Variants in HIC1 observed in about 807,000 individuals in gnomAD.
The protein encoded by HIC1 is hypermethylated in cancer 1 protein.
In HIC1, 9 loss-of-function variants were observed where a neutral mutation model predicts 26.4. That is an observed-to-expected ratio of 0.34 (90% CI 0.21 to 0.59). The LOEUF (loss-of-function observed/expected upper bound fraction) is 0.59, where lower values mean the gene tolerates loss of function less well. Ranked by LOEUF, HIC1 falls within the 20% of genes least tolerant of loss-of-function variation. The pLI is 0.82. For synonymous variants in HIC1, 631 were observed against 523.1 expected, an observed-to-expected ratio of 1.21 and a Z score of -2.81; for missense variants, 965 against 1,075.7, an observed-to-expected ratio of 0.90 and a Z score of 1.44.
rs200494730 is a variant in HIC1, at chr17:2,061,564, A to G, written c.*2729A>G. The stretch of plus-strand genomic sequence containing the variant: ...GAACATTCCTTGTGAGCGCCTTCAC[A>G]CGCAGGTTCCGGTCATCCGTCAACA... On this transcript the variant is annotated 3_prime_UTR_variant, in exon 2 of 2. Coordinates refer to ENST00000619757, the MANE Select transcript of HIC1 (RefSeq NM_006497.4). The G allele has an allele frequency of 1.1e-5, 18 of 1,572,978 alleles. No individual in the cohort carries two copies. The highest frequency in any genetic ancestry group is 1.6e-5 in the Non-Finnish European group (18 of 1,158,854).
Position 2,058,523 on chromosome 17 carries a change from G to T in HIC1, c.1833G>T (p.Gly611=). Residue 611 remains glycine, a synonymous_variant, in exon 2 of 2, where the codon GGG becomes GGT. Coordinates refer to ENST00000619757, the MANE Select transcript of HIC1 (RefSeq NM_006497.4). The part of the protein sequence containing the change: ...GAAGALAGLG[G]LPGVPGPDGK... ...CCGGGGCGCTGGCGGGCTTGGGGGG[G>T]CTCCCCGGCGTCCCCGGCCCCGACG... 6.7e-7 allele frequency: 1 copy of T among 1,494,796 alleles called. No homozygotes were observed. The highest frequency in any genetic ancestry group is 8.9e-7 in the Non-Finnish European group (1 of 1,127,598). 92.6% of individuals were successfully genotyped at this position (1,494,796 alleles called of 1,614,324 possible). A position where few individuals can be genotyped will look rare whatever the true frequency, so the allele number is the denominator to read the frequency against.
Position 2,058,039 on chromosome 17 carries a change from G to A in HIC1, c.1349G>A (p.Arg450Lys), listed in dbSNP as rs544540526. ...HVEEEEALYGRAEAAEVAAGA... is the reference protein window; with the variant it reads ...HVEEEEALYGKAEAAEVAAGA... ...GAGGAGGAGGAAGCGCTGTACGGCA[G>A]GGCCGAGGCGGCCGAAGTGGCCGCT... The change falls in exon 2 of 2, where the codon AGG (arginine) becomes AAG (lysine). Residue 450 changes from arginine to lysine, a missense_variant. Arg to Lys is a conservative substitution (Grantham distance 26). Transcript: ENST00000619757. The A allele has an allele frequency of 1.9e-6, 3 of 1,588,098 alleles. No homozygotes were observed. The highest frequency in any genetic ancestry group is 1.3e-5 in the African/African-American group (1 of 74,608).
Position 2,058,956 on chromosome 17 carries a change from C to T in HIC1, c.*121C>T. The T allele has an allele frequency of 1.1e-6, 1 of 905,216 alleles. No individual in the cohort carries two copies. The highest frequency in any genetic ancestry group is 1.5e-6 in the Non-Finnish European group (1 of 645,242). 56.1% of individuals were successfully genotyped at this position (905,216 alleles called of 1,614,324 possible). ...GACAACCGCAGCGTCGCCACAGTGG[C>T]GGCTCCACCTCTCGGCGGCCTCACC... is the stretch of plus-strand genomic sequence containing the variant. On this transcript the variant is annotated 3_prime_UTR_variant, in exon 2 of 2. Coordinates refer to ENST00000619757, the MANE Select transcript of HIC1 (RefSeq NM_006497.4).
In HIC1 at chr17:2,057,164, C is replaced by T; in HGVS notation, c.474C>T (p.Gly158=). ...GYAPYGRPGR[G]LRAATPVIQA... ...CGCCCTATGGTCGGCCGGGCCGGGG[C>T]CTGCGGGCCGCCACGCCGGTCATCC... Residue 158 remains glycine, a synonymous_variant, in exon 2 of 2, where the codon GGC becomes GGT. Coordinates refer to ENST00000619757, the MANE Select transcript of HIC1 (RefSeq NM_006497.4). 7.6e-7 allele frequency: 1 copy of T among 1,323,336 alleles called. No homozygotes were observed. The highest frequency in any genetic ancestry group is 2.0e-5 in the South Asian group (1 of 49,798). The allele number at this position is 1,323,336 out of a possible 1,614,324, so 82.0% of individuals were successfully genotyped here.
rs2067685076 is a variant in HIC1, at chr17:2,057,627, A to T, written c.937A>T (p.Met313Leu). Residue 313 changes from methionine (M) to leucine (L), a missense_variant, in exon 2 of 2, where the codon ATG becomes TTG. Around this residue, in one of 6 missense-constraint regions of HIC1, gnomAD observed 526 missense variants for 525.0 expected, o/e 1.00. Transcript: ENST00000619757. ...CGGGCCTAGTCTCCTCTATCGCTGG[A>T]TGAAGCACGAGCCGGGCCTGGGTAG... Reference protein sequence around the residue: ...PDGPSLLYRWMKHEPGLGSYG... With the variant: ...PDGPSLLYRWLKHEPGLGSYG... 2.0e-6 allele frequency: 3 copies of T among 1,514,910 alleles called. No individual in the cohort carries two copies. In the African/African-American group the frequency reaches 4.3e-5, roughly 22 times the overall value. 93.8% of individuals were successfully genotyped at this position (1,514,910 alleles called of 1,614,324 possible). A position where few individuals can be genotyped will look rare whatever the true frequency, so the allele number is the denominator to read the frequency against.
In HIC1 at chr17:2,060,483, T is replaced by C. The variant is rs1302789383; in HGVS notation, c.*1648T>C. 6.6e-6 allele frequency: 1 copy of C among 152,216 alleles called. No homozygotes were observed. The highest frequency in any genetic ancestry group is 1.9e-4 in the East Asian group (1 of 5,192). 9.4% of individuals were successfully genotyped at this position (152,216 alleles called of 1,614,324 possible). On this transcript the variant is annotated 3_prime_UTR_variant, in exon 2 of 2. Coordinates refer to ENST00000619757, the MANE Select transcript of HIC1 (RefSeq NM_006497.4). ...AAGGCCCTGGGTGGGAGACCTGTAC[T>C]AGGTTCCTGCCATGGGTAGTAGAGA...
rs1039464441 is a variant in HIC1, at chr17:2,060,167, C to T, written c.*1332C>T. 5.9e-5 allele frequency: 9 copies of T among 152,332 alleles called. No individual in the cohort carries two copies. Among genetic ancestry groups the T allele is most frequent in the African/African-American group, 2.2e-4 (9 of 41,466 alleles). The allele number at this position is 152,332 out of a possible 1,614,324, so 9.4% of individuals were successfully genotyped here. A position where few individuals can be genotyped will look rare whatever the true frequency, so the allele number is the denominator to read the frequency against. On this transcript the variant is annotated 3_prime_UTR_variant, in exon 2 of 2. Transcript: ENST00000619757. ...GTCAGGCCATGGGCTCTGGGGTATC[C>T]CCCACTGGTCCCATTAAGATTTGCC...
At position 2,059,621 on chromosome 17, in the gene HIC1, A is replaced by G. The variant is rs955071423; in HGVS notation, c.*786A>G. ...TTTGTATATTTCCTACCTTGTACAC[A>G]GGCTCTTCCAGAGCCGCTTCCATTT... On this transcript the variant is annotated 3_prime_UTR_variant, in exon 2 of 2. Transcript: ENST00000619757. 6.0e-6 allele frequency: 1 copy of G among 167,088 alleles called. No homozygotes were observed. The highest frequency in any genetic ancestry group is 2.4e-5 in the African/African-American group (1 of 41,456). The allele number at this position is 167,088 out of a possible 1,614,324, so 10.4% of individuals were successfully genotyped here. A position where few individuals can be genotyped will look rare whatever the true frequency, so the allele number is the denominator to read the frequency against.
chr17:2,056,384 T>C, intron 1 of HIC1: 1 of 1,602,446 alleles, frequency 6.2e-7, no homozygotes, highest in African/African-American at 1.3e-5. Context: ...CCTGAACAGT[T>C]TTCTTCTCGG....
rs755740828 is a variant in HIC1 at position 2,058,647 on chromosome 17, G to C, written c.1957G>C (p.Glu653Gln). Reference protein sequence around the residue: ...LKQQDKAAAAELLAQTTHFLH... With the variant: ...LKQQDKAAAAQLLAQTTHFLH... Reference sequence around the variant, plus strand: ...GCAGCAGGACAAGGCGGCCGCGGCCGAGCTGCTGGCGCAGACCACGCACTT... The same window carrying C: ...GCAGCAGGACAAGGCGGCCGCGGCCCAGCTGCTGGCGCAGACCACGCACTT... The change falls in exon 2 of 2, where the codon GAG (glutamate) becomes CAG (glutamine). Residue 653 changes from glutamate to glutamine, a missense_variant. By Grantham distance (29) the Glu-to-Gln change is conservative (BLOSUM62 2). Transcript: ENST00000619757. 6.4e-7 allele frequency: 1 copy of C among 1,563,072 alleles called. No homozygotes were observed. The highest frequency in any genetic ancestry group is 8.6e-7 in the Non-Finnish European group (1 of 1,160,928).
At chr17:2,056,631 C>T (rs1349922959) in intron 1 of HIC1, 40 bp from the exon 2 acceptor site, 4 of 1,480,608 alleles carry the variant, frequency 2.7e-6, no homozygotes, top group East Asian at 2.5e-5. Flanking sequence ...GCGGCCAGGG[C>T]GCCGCACGGC....
At chr17:2,056,616 G>A in intron 1 of HIC1, 55 bp from the exon 2 acceptor site, 2 of 1,469,852 alleles carry the variant, frequency 1.4e-6, no homozygotes, top group Non-Finnish European at 1.8e-6. Context: ...CCGGGCTGGG[G>A]CCAGGCGGCC....
chr17:2,057,799 C>A lies in HIC1; in HGVS notation c.1109C>A (p.Ala370Glu), dbSNP rs770978873. The A allele has an allele frequency of 6.5e-7, 1 of 1,540,334 alleles. No individual in the cohort carries two copies. Among genetic ancestry groups the A allele is most frequent in the Non-Finnish European group, 8.7e-7 (1 of 1,147,784 alleles). The change falls in exon 2 of 2, where the codon GCG (alanine) becomes GAG (glutamate). Residue 370 changes from alanine to glutamate, a missense_variant. This residue lies in a region of HIC1 where 526 missense variants were observed against 525.0 expected (regional missense o/e 1.00). Transcript: ENST00000619757. The part of the protein sequence containing the change: ...RYPGSLDGPG[A>E]GGDGDDYKSS... ...CCTGGCAGCCTGGACGGGCCCGGCGCGGGCGGCGACGGCGACGACTACAAG... is the reference window on the plus strand; with the variant it reads ...CCTGGCAGCCTGGACGGGCCCGGCGAGGGCGGCGACGGCGACGACTACAAG...
chr17:2,055,984 C>A lies in HIC1; in HGVS notation c.-20-687C>A, dbSNP rs2067668460. ...GCCGTGCCCGCCCGGGGCGCTGCCCCCTCCCTCCCCTGGGAGCTGCGTGGC... is the reference window on the plus strand; with the variant it reads ...GCCGTGCCCGCCCGGGGCGCTGCCCACTCCCTCCCCTGGGAGCTGCGTGGC... On this transcript the variant is annotated intron_variant, in intron 1 of 1. Transcript: ENST00000619757. This position sits in a 1 kb window ranked among gnomAD's most constrained non-coding sequence, Gnocchi z 6.4. Among the ~76,000 whole-genome samples the A allele has an allele frequency of 6.8e-6, 1 of 147,646 alleles. No individual in the cohort carries two copies. The highest frequency in any genetic ancestry group is 1.5e-5 in the Non-Finnish European group (1 of 66,184).
rs1367828287 is a variant in HIC1 at position 2,058,872 on chromosome 17, G to A, written c.*37G>A. On this transcript the variant is annotated 3_prime_UTR_variant, in exon 2 of 2. Transcript: ENST00000619757. ...CCAGCCCGCTCTGTCGCTGCTGCGC[G>A]GCCCTGGCCCGCACCCCAGGGAGCG... 8 of 1,378,548 alleles carry A rather than the reference G, an allele frequency of 5.8e-6. No individual in the cohort carries two copies. The highest frequency in any genetic ancestry group is 2.7e-4 in the Middle Eastern group (1 of 3,730). The allele number at this position is 1,378,548 out of a possible 1,614,324, so 85.4% of individuals were successfully genotyped here. A position where few individuals can be genotyped will look rare whatever the true frequency, so the allele number is the denominator to read the frequency against.
Position 2,058,334 on chromosome 17 carries a change from G to C in HIC1, c.1644G>C (p.Ala548=). Residue 548 remains alanine, a synonymous_variant, in exon 2 of 2, where the codon GCG becomes GCC. Transcript: ENST00000619757. ...HLGLKPFACD[A]CGMRFTRQYR... is the part of the protein sequence containing the mutation. ...GCCTCAAGCCCTTCGCGTGCGACGC[G>C]TGCGGCATGCGGTTCACGCGCCAGT... The C allele has an allele frequency of 6.2e-7, 1 of 1,609,784 alleles. No homozygotes were observed. The highest frequency in any genetic ancestry group is 8.5e-7 in the Non-Finnish European group (1 of 1,178,598).
rs960340137 is a variant in HIC1, at chr17:2,057,082, A to G, written c.392A>G (p.Lys131Arg). Residue 131 changes from lysine to arginine, a missense_variant, in exon 2 of 2, where the codon AAG (lysine) becomes AGG (arginine). Transcript: ENST00000619757. ...DLVALCKKRL[K>R]RHGKYCHLRG... ...GTGGCGCTGTGCAAGAAACGCCTCA[A>G]GCGCCACGGCAAGTACTGCCACCTG... 1.4e-6 allele frequency: 2 copies of G among 1,407,544 alleles called. No homozygotes were observed. Among genetic ancestry groups the G allele is most frequent in the South Asian group, 1.6e-5 (1 of 62,740 alleles). 87.2% of individuals were successfully genotyped at this position (1,407,544 alleles called of 1,614,324 possible).
chr17:2,058,669 A>C lies in HIC1; in HGVS notation c.1979A>C (p.His660Pro), dbSNP rs2067700604. 2.6e-6 allele frequency: 4 copies of C among 1,560,046 alleles called. No homozygotes were observed. In the East Asian group the frequency reaches 9.7e-5, roughly 38 times the overall value. Residue 660 changes from histidine to proline, a missense_variant, in exon 2 of 2, where the codon CAC becomes CCC. His to Pro is a moderately conservative substitution (Grantham distance 77). Around this residue, in one of 6 missense-constraint regions of HIC1, gnomAD observed 210 missense variants for 179.2 expected, o/e 1.17. Transcript: ENST00000619757. The part of the protein sequence containing the change: ...AAAELLAQTT[H>P]FLHDPKVALE... ...GCCGAGCTGCTGGCGCAGACCACGC[A>C]CTTCCTGCACGACCCCAAGGTGGCG...
rs1389147372 is a variant in HIC1, at chr17:2,055,962, G to T, written c.-20-709G>T. On this transcript the variant is annotated intron_variant, in intron 1 of 1. Transcript: ENST00000619757. The surrounding 1 kb of genome is among the most constrained non-coding windows in gnomAD (Gnocchi z 6.4). ...TCAGGGCCGCAGCCGGCTGTGCGCC[G>T]TGCCCGCCCGGGGCGCTGCCCCCTC... Among the ~76,000 whole-genome samples the T allele has an allele frequency of 2.7e-5, 4 of 149,250 alleles. No homozygotes were observed. Among genetic ancestry groups the T allele is most frequent in the Non-Finnish European group, 6.0e-5 (4 of 66,918 alleles).
Sources: gnomAD v4.1 joint callset for allele counts (sites outside exome capture counted in the v4.1 genomes callset) on GRCh38, gnomAD v4.1.1 for gene constraint, gnomAD v4.1.1 regional missense constraint, Gnocchi (gnomAD v3.1) non-coding constraint, MANE v1.5 for transcripts, NCBI Gene and HGNC (gene_info 2026-07-23, HGNC 2026-07-21) for gene names.